SLC8A1: variants seen among roughly 807,000 people sequenced by gnomAD.
SLC8A1 encodes sodium/calcium exchanger 1.
SLC8A1 carries 18 observed loss-of-function variants against 68.3 expected under a neutral mutation model. That is an observed-to-expected ratio of 0.26 (90% CI 0.18 to 0.39). The LOEUF (loss-of-function observed/expected upper bound fraction) is 0.39. Ranked by LOEUF, SLC8A1 falls within the 10% of genes least tolerant of loss-of-function variation. The pLI is 1.00. For missense variants in SLC8A1, 985 were observed against 1,156.7 expected (o/e 0.85, Z 2.15); for synonymous variants, 475 against 415.5 (o/e 1.14, Z -1.74).
chr2:40,309,502 C>CTTTTT (rs34863585), intron 2 of SLC8A1, among the ~76,000 whole-genome samples: 72 of 123,256 alleles, frequency 5.8e-4, no homozygotes, highest in East Asian at 2.2e-3. Context: ...GAATATTTTA[C>CTTTTT]TTTTTTTTTT....
intron 2 of SLC8A1, among the ~76,000 whole-genome samples, chr2:40,323,854 T>C (rs1053105072): frequency 6.6e-6 from 1 of 152,174 alleles, no homozygotes; most frequent in African/African-American, 2.4e-5. Context: ...ATTTCACTTA[T>C]GAATAGATAG....
At chr2:40,292,791 GT>G (rs548994530) in intron 2 of SLC8A1, among the ~76,000 whole-genome samples, 293 of 152,276 alleles carry the variant, frequency 1.9e-3, no homozygotes, top group Middle Eastern at 6.8e-3. Context: ...ACTTTGAATA[GT>G]GCTAACAGAA....
At chr2:40,208,086 C>G (rs1466345404) in intron 2 of SLC8A1, among the ~76,000 whole-genome samples, 5 of 152,102 alleles carry the variant, frequency 3.3e-5, no homozygotes, top group African/African-American at 7.2e-5. Flanking sequence ...CTGACACCTA[C>G]AGCCAAGGAA....
chr2:40,267,702 G>C (rs972511260), intron 2 of SLC8A1, among the ~76,000 whole-genome samples: 1 of 152,212 alleles, frequency 6.6e-6, no homozygotes, highest in Non-Finnish European at 1.5e-5. Context: ...CAGGTTGAGT[G>C]TTGTGCTACG....
rs201551939 is a variant in SLC8A1 at position 40,443,136 on chromosome 2, G to A, written c.-25+8768C>T. ...GGGGGCAAGGGGAGGGAGAACATTA[G>A]GACAAATACCTAACGCATGCAGAGC... On this transcript the variant is annotated intron_variant, in intron 1 of 7. Coordinates refer to ENST00000406785, the Ensembl canonical transcript of SLC8A1. Among the ~76,000 whole-genome samples the A allele has an allele frequency of 5.3e-5, 8 of 152,182 alleles. No homozygotes were observed. In the East Asian group the frequency reaches 1.6e-3, roughly 30 times the overall value.
intron 2 of SLC8A1, among the ~76,000 whole-genome samples, chr2:40,311,021 G>A (rs1293081047): frequency 6.6e-6 from 1 of 152,002 alleles, no homozygotes; most frequent in East Asian, 1.9e-4. Flanking sequence ...CAATCTATAG[G>A]TTTAGAAACT....
intron 1 of SLC8A1, among the ~76,000 whole-genome samples, chr2:40,464,760 G>T (rs1344024992): frequency 6.6e-6 from 1 of 152,280 alleles, no homozygotes; most frequent in South Asian, 2.1e-4. Flanking sequence ...TTTTGAGTGA[G>T]GCCACCAGTT....
At chr2:40,189,356 T>C (rs1037460052) in intron 2 of SLC8A1, among the ~76,000 whole-genome samples, 3 of 152,248 alleles carry the variant, frequency 2.0e-5, no homozygotes, top group Non-Finnish European at 4.4e-5. Context: ...AGTCTCGCTC[T>C]GTCGCCCAGT....
intron 1 of SLC8A1, among the ~76,000 whole-genome samples, chr2:40,448,777 A>G (rs1701908296): frequency 6.6e-6 from 1 of 152,156 alleles, no homozygotes; most frequent in Non-Finnish European, 1.5e-5. Flanking sequence ...ATTTAACTAC[A>G]AGTATGGGTG....
Position 40,366,916 on chromosome 2 carries a change from T to C in SLC8A1, c.1808+61557A>G, listed in dbSNP as rs531142616. On this transcript the variant is annotated intron_variant, in intron 2 of 7. Coordinates refer to ENST00000406785, the Ensembl canonical transcript of SLC8A1. ...ACTAACAAGTTGAATCAATCCAACA[T>C]CCTCTGAACAGGATTTCATCTTTAG... is the stretch of plus-strand genomic sequence containing the variant. Among the ~76,000 whole-genome samples the C allele has an allele frequency of 6.6e-5, 10 of 152,164 alleles. No homozygotes were observed. The South Asian group carries it at 2.1e-3, about 32-fold the overall frequency.
chr2:40,101,608 T>G (rs2033897305), exon 8 of SLC8A1: 1 of 152,138 alleles, frequency 6.6e-6, no homozygotes, highest in South Asian at 2.1e-4. Context: ...AAATTATATT[T>G]TAAGTCTGAA....
At chr2:40,270,053 T>C (rs1358571818) in intron 2 of SLC8A1, among the ~76,000 whole-genome samples, 1 of 152,096 alleles carries the variant, frequency 6.6e-6, no homozygotes, top group East Asian at 1.9e-4. Flanking sequence ...ATTCTTACAA[T>C]AAATGGTCAG....
In SLC8A1 at chr2:40,194,469, A is replaced by ATGTGTGTGTGTG. The variant is rs543194094; in HGVS notation, c.1809-16626_1809-16615dup. Among the ~76,000 whole-genome samples, 207 of 137,440 alleles carry ATGTGTGTGTGTG rather than the reference A, an allele frequency of 1.5e-3. 1 individual carries two copies. The highest frequency in any genetic ancestry group is 5.0e-3 in the African/African-American group (186 of 36,978). 90.2% of individuals were successfully genotyped at this position (137,440 alleles called of 152,430 possible). On this transcript the variant is annotated intron_variant, in intron 2 of 7. Transcript: ENST00000406785. ...AATGACTCAGGTTACTCAGTAAGCA[A>ATGTGTGTGTGTG]TGTGTGTGTGTGTGTGTGTGTGTGT...
rs71414285 is a variant in SLC8A1 at position 40,463,897 on chromosome 2, T to TAGAG, written c.-24-33597_-24-33594dup. Among the ~76,000 whole-genome samples the TAGAG allele has an allele frequency of 5.8e-4, 83 of 143,900 alleles. 2 individuals are homozygous for TAGAG. The highest frequency in any genetic ancestry group is 2.0e-3 in the African/African-American group (76 of 37,686). 94.4% of individuals were successfully genotyped at this position (143,900 alleles called of 152,430 possible). Reference sequence around the variant, plus strand: ...ACACACACACACACACATATATATATAGAGAGAGAGACAGATTGATGGTGT... The same window carrying TAGAG: ...ACACACACACACACACATATATATATAGAGAGAGAGAGAGACAGATTGATGGTGT... On this transcript the variant is annotated intron_variant, in intron 1 of 7. Coordinates refer to the SLC8A1 transcript ENST00000402441.
chr2:40,244,018 G>A (rs1238703383), intron 2 of SLC8A1, among the ~76,000 whole-genome samples: 2 of 150,416 alleles, frequency 1.3e-5, no homozygotes, highest in Non-Finnish European at 3.0e-5. Context: ...GGGTCTGGGG[G>A]ACAACGCTCC....
At chr2:40,364,325 C>G (rs1345035887) in intron 2 of SLC8A1, among the ~76,000 whole-genome samples, 1 of 151,814 alleles carries the variant, frequency 6.6e-6, no homozygotes, top group Non-Finnish European at 1.5e-5. Context: ...TTCAAACTCA[C>G]TGGAATTGTG....
intron 2 of SLC8A1, among the ~76,000 whole-genome samples, chr2:40,247,986 G>A (rs576969554): frequency 1.4e-4 from 22 of 152,258 alleles, no homozygotes; most frequent in South Asian, 1.0e-3. Context: ...CGTGTGTTCC[G>A]TGAACTCAAA....
chr2:40,418,419 C>T (rs1345895333), intron 2 of SLC8A1, among the ~76,000 whole-genome samples: 1 of 152,136 alleles, frequency 6.6e-6, no homozygotes, highest in Non-Finnish European at 1.5e-5. Flanking sequence ...GAAAGACTCC[C>T]ATATCTGATC....
chr2:40,399,628 G>A (rs956706333), intron 2 of SLC8A1, among the ~76,000 whole-genome samples: 3 of 152,106 alleles, frequency 2.0e-5, no homozygotes, highest in Non-Finnish European at 4.4e-5. Flanking sequence ...AAATTGTTAT[G>A]TTACCAAAAA....
Sources: allele counts gnomAD v4.1 joint callset (sites outside exome capture counted in the v4.1 genomes callset), GRCh38; gene constraint gnomAD v4.1.1; transcripts MANE v1.5; gene names NCBI Gene and HGNC (gene_info 2026-07-23, HGNC 2026-07-21).